The following ZNF43 variants were observed in gnomAD, a reference collection of about 807,000 sequenced individuals.
The protein encoded by ZNF43 is zinc finger protein 39-like 1 (KOX 27).
In ZNF43, 44 loss-of-function variants were observed where a neutral mutation model predicts 68.4. The ratio of observed to expected loss-of-function variants is 0.64; its 90% CI spans 0.51 to 0.83. The LOEUF (loss-of-function observed/expected upper bound fraction) is 0.83. ZNF43 is among the 40% of genes least tolerant of loss of function. The pLI, the probability that ZNF43 is intolerant of heterozygous loss-of-function variation, is 0.00. For synonymous variants in ZNF43, 308 were observed against 307.8 expected, an observed-to-expected ratio of 1.00 and a Z score of -0.01; for missense variants, 896 against 933.2, an observed-to-expected ratio of 0.96 and a Z score of 0.52.
At chr19:21,830,552 A>C (rs2038374215) in intron 1 of ZNF43, among the ~76,000 whole-genome samples, 1 of 147,930 alleles carries the variant, frequency 6.8e-6, no homozygotes, top group African/African-American at 2.6e-5. Context: ...TCCTCCAAAG[A>C]CTGAAAAAAA....
chr19:21,834,640 T>C (rs1239390450), intron 1 of ZNF43, among the ~76,000 whole-genome samples: 2 of 151,772 alleles, frequency 1.3e-5, no homozygotes, highest in Non-Finnish European at 2.9e-5. Flanking sequence ...GTGCCTGTAA[T>C]TCCAGCTACT....
Position 21,821,199 on chromosome 19 carries a change from C to A in ZNF43, c.4-1978G>T, listed in dbSNP as rs1487916719. Reference sequence around the variant, plus strand: ...TCGCTCAGTCGCCCAGGCTAGAGTGCGGTGGCGCGAATCTCCGCTCACTGC... The same window carrying A: ...TCGCTCAGTCGCCCAGGCTAGAGTGAGGTGGCGCGAATCTCCGCTCACTGC... On this transcript the variant is annotated intron_variant, in intron 1 of 3. Transcript: ENST00000354959. Among the ~76,000 whole-genome samples, 3 of 142,494 alleles carry A rather than the reference C, an allele frequency of 2.1e-5. No individual in the cohort carries two copies. In the East Asian group the frequency reaches 6.2e-4, roughly 29 times the overall value. 93.5% of individuals were successfully genotyped at this position (142,494 alleles called of 152,430 possible). A position where few individuals can be genotyped will look rare whatever the true frequency, so the allele number is the denominator to read the frequency against.
chr19:21,850,774 G>A (rs1332292820), intron 1 of ZNF43, among the ~76,000 whole-genome samples: 1 of 152,164 alleles, frequency 6.6e-6, no homozygotes, highest in East Asian at 1.9e-4. Flanking sequence ...TCAGTGAAAG[G>A]CCCAGCTATG....
intron 3 of ZNF43, among the ~76,000 whole-genome samples, chr19:21,816,784 A>G (rs890187349): frequency 6.6e-6 from 1 of 152,174 alleles, no homozygotes; most frequent in Admixed American, 6.5e-5. Context: ...TATAAAGCCC[A>G]CCATATGCAG....
chr19:21,817,068 CCT>C (rs1301960454), intron 3 of ZNF43, among the ~76,000 whole-genome samples: 1 of 151,970 alleles, frequency 6.6e-6, no homozygotes, highest in Non-Finnish European at 1.5e-5. Context: ...ATGGCGAAAC[CCT>C]GTCTCTACTA....
chr19:21,835,943 C>CCGGCA, intron 1 of ZNF43, 93 bp downstream of exon 1: 1 of 1,601,668 alleles, frequency 6.2e-7, no homozygotes, highest in Non-Finnish European at 8.5e-7. Flanking sequence ...GGCAAGAACT[C>CCGGCA]CGGCACGCGC....
In ZNF43 at chr19:21,819,216, T is replaced by C. The variant is rs750127522; in HGVS notation, c.9A>G (p.Pro3=). 8 of 1,592,638 alleles carry C rather than the reference T, an allele frequency of 5.0e-6. No individual in the cohort carries two copies. In the South Asian group the frequency reaches 8.0e-5, roughly 16 times the overall value. The change falls in exon 2 of 4, where the codon CCA becomes CCG. Residue 3 remains proline, a synonymous_variant. Coordinates refer to ENST00000354959, the MANE Select transcript of ZNF43 (RefSeq NM_003423.4). MG[P]LTFMDVAIEF... The stretch of plus-strand genomic sequence containing the variant: ...CTATGGCCACATCCATAAATGTCAA[T>C]GGTCCCTAAAAAAAACAACACATAC...
chr19:21,823,139 GT>G (rs78263313), intron 1 of ZNF43, among the ~76,000 whole-genome samples: 2 of 152,032 alleles, frequency 1.3e-5, no homozygotes, highest in South Asian at 2.1e-4. Context: ...TAAAGCCAAA[GT>G]TTTTTTTGCA....
upstream of ZNF43, among the ~76,000 whole-genome samples, chr19:21,836,759 T>C (rs1446424537): frequency 6.6e-6 from 1 of 152,084 alleles, no homozygotes; most frequent in East Asian, 1.9e-4. Flanking sequence ...TAATTTGTTA[T>C]CATATTTTTA....
At chr19:21,844,637 C>G (rs933621366) in intron 1 of ZNF43, among the ~76,000 whole-genome samples, 1 of 151,632 alleles carries the variant, frequency 6.6e-6, no homozygotes, top group Non-Finnish European at 1.5e-5. Flanking sequence ...GTGGCTTACA[C>G]CTGTAATCCC....
rs902153428 is a variant in ZNF43, at chr19:21,809,143, G to C, written c.894C>G (p.Ser298=). The change falls in exon 4 of 4, where the codon TCC becomes TCG. Residue 298 remains serine, a synonymous_variant. Transcript: ENST00000354959. Reference sequence around the variant, plus strand: ...TTTTCTTATGTTCAGTAAGGTTTGAGGATTGGTTAAAAGCTTTGGCACATT... The same window carrying C: ...TTTTCTTATGTTCAGTAAGGTTTGACGATTGGTTAAAAGCTTTGGCACATT... The part of the protein sequence containing the change: ...CKECAKAFNQ[S]SNLTEHKKIH... The C allele has an allele frequency of 6.2e-7, 1 of 1,613,348 alleles. No homozygotes were observed. The highest frequency in any genetic ancestry group is 8.5e-7 in the Non-Finnish European group (1 of 1,179,832).
intron 3 of ZNF43, among the ~76,000 whole-genome samples, chr19:21,813,864 G>A (rs7248004): frequency 0.036 from 5,402 of 151,820 alleles, 284 homozygotes; most frequent in African/African-American, 0.12. Flanking sequence ...CAAAGCTCAT[G>A]TAATCCCTCC....
chr19:21,835,450 T>C (rs2038670990), intron 1 of ZNF43, among the ~76,000 whole-genome samples: 1 of 143,150 alleles, frequency 7.0e-6, no homozygotes, highest in African/African-American at 2.6e-5. Context: ...CTCCGCCTCC[T>C]GGGTTCAAGC....
At chr19:21,838,860 G>A (rs897824117), upstream of ZNF43, 4 of 152,144 alleles carry the variant, frequency 2.6e-5, no homozygotes, top group Non-Finnish European at 5.9e-5. Context: ...CCCAGGTTAG[G>A]CATTCTTAGT....
chr19:21,818,702 A>G (rs999816682), intron 2 of ZNF43, among the ~76,000 whole-genome samples: 1 of 152,124 alleles, frequency 6.6e-6, no homozygotes, highest in East Asian at 1.9e-4. Context: ...TTACAGGAGT[A>G]AGCCACCATG....
At chr19:21,831,266 T>C (rs1368587244) in intron 1 of ZNF43, among the ~76,000 whole-genome samples, 1 of 152,134 alleles carries the variant, frequency 6.6e-6, no homozygotes, top group Non-Finnish European at 1.5e-5. Flanking sequence ...TCAGGCAAGA[T>C]AAAGAGAAAG....
chr19:21,826,459 A>AAGAC (rs1460467182), intron 1 of ZNF43: 1 of 152,204 alleles, frequency 6.6e-6, no homozygotes, highest in African/African-American at 2.4e-5. Context: ...AGAGATTGCA[A>AAGAC]AGACAGAAAG....
intron 1 of ZNF43, among the ~76,000 whole-genome samples, chr19:21,835,045 G>A (rs1382145538): frequency 6.7e-6 from 1 of 149,674 alleles, no homozygotes; most frequent in Non-Finnish European, 1.5e-5. Context: ...TCAGGAGTTC[G>A]AGACCACCTG....
At chr19:21,836,424 T>C (rs2038744193), upstream of ZNF43, among the ~76,000 whole-genome samples, 1 of 152,288 alleles carries the variant, frequency 6.6e-6, no homozygotes, top group Admixed American at 6.5e-5. Context: ...TATTTGCCTT[T>C]AACCTTGTGT....
Sources: gnomAD v4.1 joint callset for allele counts (sites outside exome capture counted in the v4.1 genomes callset) on GRCh38, gnomAD v4.1.1 for gene constraint, MANE v1.5 for transcripts, NCBI Gene and HGNC (gene_info 2026-07-23, HGNC 2026-07-21) for gene names.